Variants in ATP9B observed in about 807,000 individuals in gnomAD.
ATP9B encodes ATPase phospholipid transporting 9B.
A neutral mutation model predicts 146.1 loss-of-function variants in ATP9B; 110 were observed. The ratio of observed to expected loss-of-function variants is 0.75; its 90% CI spans 0.65 to 0.88. The LOEUF (loss-of-function observed/expected upper bound fraction) is 0.88. Among genes scored for constraint, ATP9B ranks in the 40% least tolerant of loss-of-function variants. The pLI is 0.00. For synonymous variants in ATP9B, 604 were observed against 569.7 expected (o/e 1.06, Z -0.86); for missense variants, 1,499 against 1,496.4 (o/e 1.00, Z -0.03).
intron 7 of ATP9B, among the ~76,000 whole-genome samples, chr18:79,158,961 A>G (rs781632613): frequency 2.6e-5 from 4 of 152,072 alleles, no homozygotes; most frequent in Admixed American, 6.6e-5. Flanking sequence ...TTTTCCTTCT[A>G]TTCTGTCAGA....
At chr18:79,234,626 C>G (rs1225836473) in intron 11 of ATP9B, among the ~76,000 whole-genome samples, 1 of 149,758 alleles carries the variant, frequency 6.7e-6, no homozygotes, top group Non-Finnish European at 1.5e-5. Context: ...GGCCTGCTTG[C>G]TGTGGGTGTG....
Position 79,165,773 on chromosome 18 carries a change from C to T in ATP9B, c.779-11040C>T, listed in dbSNP as rs77406974. Among the ~76,000 whole-genome samples the T allele has an allele frequency of 8.7e-3, 1,323 of 152,252 alleles. 23 individuals are homozygous for T. Among genetic ancestry groups the T allele is most frequent in the African/African-American group, 0.03 (1,258 of 41,556 alleles). ...ACTTCCTAGGCTATGGCTGCAGCCC[C>T]ACCCAGGAGGGGCTGGCCATGGTTC... is the stretch of plus-strand genomic sequence containing the variant. On this transcript the variant is annotated intron_variant, in intron 7 of 29. Transcript: ENST00000426216.
chr18:79,101,447 C>G (rs2075276888), intron 2 of ATP9B, among the ~76,000 whole-genome samples: 1 of 151,990 alleles, frequency 6.6e-6, no homozygotes, highest in South Asian at 2.1e-4. Flanking sequence ...TAGGTTGTGT[C>G]AAGTTTTTGG....
intron 4 of ATP9B, among the ~76,000 whole-genome samples, chr18:79,121,490 A>G (rs146914313): frequency 2.6e-5 from 4 of 152,348 alleles, no homozygotes; most frequent in African/African-American, 9.6e-5. Flanking sequence ...CCAGTCCTCC[A>G]TAAACCACCA....
At chr18:79,088,942 C>T (rs937105671) in intron 1 of ATP9B, among the ~76,000 whole-genome samples, 13 of 152,154 alleles carry the variant, frequency 8.5e-5, no homozygotes, top group Non-Finnish European at 1.2e-4. Context: ...CTCTTACCAG[C>T]GATTAAGAGT....
At chr18:79,289,175 G>T (rs1445439720) in intron 13 of ATP9B, among the ~76,000 whole-genome samples, 1 of 152,158 alleles carries the variant, frequency 6.6e-6, no homozygotes, top group Non-Finnish European at 1.5e-5. Context: ...TTGCTAGATT[G>T]GGGAGGTTCT....
chr18:79,246,509 C>A (rs1324927768), intron 11 of ATP9B, among the ~76,000 whole-genome samples: 1 of 152,214 alleles, frequency 6.6e-6, no homozygotes, highest in Non-Finnish European at 1.5e-5. Context: ...CCCCCATAAT[C>A]CAGGATGTTC....
chr18:79,323,339 A>G (rs1237018010), intron 15 of ATP9B, among the ~76,000 whole-genome samples: 2 of 152,208 alleles, frequency 1.3e-5, no homozygotes. Context: ...AATTATTGTC[A>G]GTGAAGGTCA....
chr18:79,310,286 G>C (rs1032262983), intron 15 of ATP9B, among the ~76,000 whole-genome samples: 2 of 152,196 alleles, frequency 1.3e-5, no homozygotes, highest in African/African-American at 4.8e-5. Flanking sequence ...CACTGGGAAG[G>C]GCATCACCGT....
chr18:79,264,499 G>GA (rs901295742), intron 12 of ATP9B, among the ~76,000 whole-genome samples: 12 of 151,086 alleles, frequency 7.9e-5, no homozygotes, highest in Non-Finnish European at 1.5e-4. Flanking sequence ...GTGAAATTAT[G>GA]AAAAAACAGT....
At chr18:79,074,490 T>C (rs551753452) in intron 1 of ATP9B, among the ~76,000 whole-genome samples, 1 of 152,220 alleles carries the variant, frequency 6.6e-6, no homozygotes, top group African/African-American at 2.4e-5. Flanking sequence ...GGGCCCCTTA[T>C]GTGGTGGGGT....
At chr18:79,322,093 G>C (rs2096719272) in intron 15 of ATP9B, among the ~76,000 whole-genome samples, 1 of 152,148 alleles carries the variant, frequency 6.6e-6, no homozygotes, top group African/African-American at 2.4e-5. Flanking sequence ...AGTCCTGGCT[G>C]ACCCCCACGT....
At chr18:79,075,490 G>T (rs1338407205) in intron 1 of ATP9B, among the ~76,000 whole-genome samples, 2 of 152,104 alleles carry the variant, frequency 1.3e-5, no homozygotes, top group Non-Finnish European at 2.9e-5. Flanking sequence ...CAGGTCTGTT[G>T]TTTGGTGCAT....
At chr18:79,371,827 C>T (rs1024514406) in intron 26 of ATP9B, among the ~76,000 whole-genome samples, 2 of 152,222 alleles carry the variant, frequency 1.3e-5, no homozygotes, top group African/African-American at 4.8e-5. Flanking sequence ...AGGAGAATCT[C>T]CCCCGTGGGT....
intron 25 of ATP9B, among the ~76,000 whole-genome samples, chr18:79,355,648 C>T (rs959130359): frequency 2.0e-5 from 3 of 149,348 alleles, no homozygotes; most frequent in Non-Finnish European, 4.4e-5. Flanking sequence ...GAGCCCCGGC[C>T]GCTGTACCGT....
intron 23 of ATP9B, among the ~76,000 whole-genome samples, chr18:79,347,547 C>G (rs1474751461): frequency 3.3e-5 from 5 of 152,234 alleles, no homozygotes; most frequent in Non-Finnish European, 5.9e-5. Context: ...GAGCCGAGCT[C>G]TCCTGAAGCA....
chr18:79,372,936 T>C, intron 27 of ATP9B, 54 bp downstream of exon 27: 1 of 1,302,488 alleles, frequency 7.7e-7, no homozygotes, highest in Non-Finnish European at 1.1e-6. Context: ...TTTGGTCTTT[T>C]TGTTAGCAAT....
intron 5 of ATP9B, among the ~76,000 whole-genome samples, chr18:79,131,737 C>T (rs1292988286): frequency 3.3e-5 from 5 of 152,112 alleles, no homozygotes; most frequent in African/African-American, 4.8e-5. Context: ...AGTGGATAAA[C>T]GAATGGATAG....
Position 79,329,282 on chromosome 18 carries a change from C to T in ATP9B, c.1915C>T (p.Arg639Trp), listed in dbSNP as rs1204423234. ...QLFPFTSESKRMGVIVRDEST... is the reference protein window; with the variant it reads ...QLFPFTSESKWMGVIVRDEST... ...GTTTCCCTTCACCTCCGAGAGCAAGCGGATGGGCGTCATCGTCAGGGTGAG... is the reference window on the plus strand; with the variant it reads ...GTTTCCCTTCACCTCCGAGAGCAAGTGGATGGGCGTCATCGTCAGGGTGAG... The change falls in exon 16 of 30, where the codon CGG becomes TGG. Residue 639 changes from arginine (R) to tryptophan (W), a missense_variant. Arg to Trp is a moderately radical substitution (Grantham distance 101). Transcript: ENST00000426216. 5 of 1,609,044 alleles carry T rather than the reference C, an allele frequency of 3.1e-6. No individual in the cohort carries two copies. The highest frequency in any genetic ancestry group is 4.2e-6 in the Non-Finnish European group (5 of 1,177,788).
Sources: gnomAD v4.1 joint callset for allele counts (sites outside exome capture counted in the v4.1 genomes callset) on GRCh38, gnomAD v4.1.1 for gene constraint, MANE v1.5 for transcripts, NCBI Gene and HGNC (gene_info 2026-07-23, HGNC 2026-07-21) for gene names.